The following CYP2C18 variants were observed in gnomAD, a reference collection of about 807,000 sequenced individuals.
The protein encoded by CYP2C18 is cytochrome P450 family 2 subfamily C member 18.
In CYP2C18, 38 loss-of-function variants were observed where a neutral mutation model predicts 41.3. The observed-to-expected ratio is 0.92, with a 90% confidence interval of 0.71 to 1.21. CYP2C18 has a LOEUF of 1.21. Among genes scored for constraint, CYP2C18 ranks in the 50% most tolerant of loss-of-function variants. The pLI is 0.00. For missense variants in CYP2C18, 635 were observed against 591.4 expected, an observed-to-expected ratio of 1.07 and a Z score of -0.77; for synonymous variants, 236 against 210.0, an observed-to-expected ratio of 1.12 and a Z score of -1.07.
intron 7 of CYP2C18, among the ~76,000 whole-genome samples, chr10:94,731,655 A>G (rs1847835339): frequency 6.6e-6 from 1 of 152,174 alleles, no homozygotes; most frequent in South Asian, 2.1e-4. Context: ...GAACCCAGAA[A>G]TAAAGCAGCA....
chr10:94,734,124 C>T (rs1224572553), intron 8 of CYP2C18, among the ~76,000 whole-genome samples: 1 of 152,024 alleles, frequency 6.6e-6, no homozygotes, highest in Non-Finnish European at 1.5e-5. Context: ...AGTAGCAGGA[C>T]ATTTTCTGTA....
chr10:94,692,143 A>G (rs888901307), intron 3 of CYP2C18, among the ~76,000 whole-genome samples: 14 of 152,036 alleles, frequency 9.2e-5, no homozygotes, highest in Admixed American at 3.9e-4. Flanking sequence ...AACACCAAAA[A>G]CAATGGCAAC....
chr10:94,691,362 A>G (rs1049343504), intron 3 of CYP2C18, among the ~76,000 whole-genome samples: 5 of 152,228 alleles, frequency 3.3e-5, no homozygotes, highest in African/African-American at 1.2e-4. Context: ...ATTCACAAGC[A>G]TTCTTATACA....
rs1424321832 is a variant in CYP2C18, at chr10:94,692,621, C to T, written c.482-2296C>T. Among the ~76,000 whole-genome samples, 10 of 152,224 alleles carry T rather than the reference C, an allele frequency of 6.6e-5. No homozygotes were observed. The East Asian group carries it at 1.5e-3, about 24-fold the overall frequency. On this transcript the variant is annotated intron_variant, in intron 3 of 8. Coordinates refer to ENST00000285979, the MANE Select transcript of CYP2C18 (RefSeq NM_000772.3). ...TGTGGAAGTCAGTGTGGCGATTCCT[C>T]AGGGATCTAGAACTAGAAATGCCAT...
At chr10:94,696,684 G>A (rs574135595) in intron 4 of CYP2C18, among the ~76,000 whole-genome samples, 41 of 152,074 alleles carry the variant, frequency 2.7e-4, no homozygotes, top group Admixed American at 4.6e-4. Context: ...ACTACTCCAA[G>A]CTAAAGCAGG....
chr10:94,684,012 G>A (rs762146894), intron 1 of CYP2C18, 25 bp downstream of exon 1: 2 of 1,551,686 alleles, frequency 1.3e-6, no homozygotes, highest in East Asian at 2.3e-5. Flanking sequence ...TGTTCCTCCA[G>A]TAATGTACAA....
Position 94,720,524 on chromosome 10 carries a change from C to T in CYP2C18, c.948C>T (p.Tyr316=), listed in dbSNP as rs1847629209. 2 of 1,612,864 alleles carry T rather than the reference C, an allele frequency of 1.2e-6. No homozygotes were observed. Among genetic ancestry groups the T allele is most frequent in the Non-Finnish European group, 1.7e-6 (2 of 1,179,464 alleles). ...ATGGACTCCTGCTCCTGCTGAAGTA[C>T]CCAGAGGTCACAGGTATGATGATAC... The part of the protein sequence containing the change: ...LRYGLLLLLK[Y]PEVTAKVQEE... The change falls in exon 6 of 9, where the codon TAC becomes TAT. Residue 316 remains tyrosine, a synonymous_variant. Transcript: ENST00000285979.
chr10:94,685,084 G>C (rs2134172333), intron 1 of CYP2C18, among the ~76,000 whole-genome samples: 1 of 151,952 alleles, frequency 6.6e-6, no homozygotes, highest in Admixed American at 6.6e-5. Flanking sequence ...TTGTAGGATG[G>C]AGTGTAGTGA....
At chr10:94,732,810 C>T (rs1847856065) in intron 7 of CYP2C18, among the ~76,000 whole-genome samples, 2 of 151,772 alleles carry the variant, frequency 1.3e-5, no homozygotes, top group South Asian at 2.1e-4. Context: ...TAGATGGGGG[C>T]TGAAGGGGAG....
intron 4 of CYP2C18, among the ~76,000 whole-genome samples, chr10:94,706,137 A>G (rs769649634): frequency 4.6e-5 from 7 of 152,146 alleles, no homozygotes; most frequent in Non-Finnish European, 7.4e-5. Context: ...TGACAAAATG[A>G]TTGGATTTTG....
intron 5 of CYP2C18, among the ~76,000 whole-genome samples, chr10:94,713,646 T>C (rs1236939155): frequency 1.3e-5 from 2 of 152,256 alleles, no homozygotes; most frequent in Non-Finnish European, 2.9e-5. Context: ...AACATACGTG[T>C]GCATGTGTCT....
In CYP2C18 at chr10:94,703,678, G is replaced by A. The variant is rs530525711; in HGVS notation, c.643-3106G>A. ...GATCTTAGCTTGCTGGGCCCCATGA[G>A]GGTGGGATCCTGTGAGCTAGACCAC... On this transcript the variant is annotated intron_variant, in intron 4 of 8. Coordinates refer to ENST00000285979, the MANE Select transcript of CYP2C18 (RefSeq NM_000772.3). 5.9e-5 allele frequency among the ~76,000 whole-genome samples: 9 copies of A among 152,340 alleles called. No homozygotes were observed. In the South Asian group the frequency reaches 6.2e-4, roughly 11 times the overall value.
rs377678868 is a variant in CYP2C18 at position 94,693,150 on chromosome 10, A to G, written c.482-1767A>G. ...GCACGTTGTGCACATGTACCCTAAA[A>G]TTTAAAGTATATAAAAAAAAGTGTA... On this transcript the variant is annotated intron_variant, in intron 3 of 8. Transcript: ENST00000285979. Among the ~76,000 whole-genome samples the G allele has an allele frequency of 2.0e-5, 3 of 152,242 alleles. No individual in the cohort carries two copies. The East Asian group carries it at 5.8e-4, about 29-fold the overall frequency.
intron 4 of CYP2C18, 39 bp from the exon 5 acceptor site, chr10:94,706,745 A>C: frequency 8.0e-6 from 9 of 1,125,654 alleles, no homozygotes; most frequent in Non-Finnish European, 1.0e-5. Context: ...TGTCTTCAAT[A>C]CATGTGTTTA....
Position 94,687,772 on chromosome 10 carries a change from C to T in CYP2C18, c.171C>T (p.Phe57=). 6.2e-7 allele frequency: 1 copy of T among 1,610,874 alleles called. No individual in the cohort carries two copies. Among genetic ancestry groups the T allele is most frequent in the African/African-American group, 1.3e-5 (1 of 74,802 alleles). Residue 57 remains phenylalanine, a splice_region_variant and synonymous_variant, in exon 2 of 9, where the codon TTC becomes TTT. Transcript: ENST00000285979. ...VKDMSKSLTN[F]SKVYGPVFTV... is the part of the protein sequence containing the mutation. ...TGAACCTCCTTTTCTATGTTTAGTT[C>T]TCAAAAGTCTATGGCCCTGTGTTCA...
intron 4 of CYP2C18, among the ~76,000 whole-genome samples, chr10:94,706,399 G>A (rs1262536460): frequency 6.6e-6 from 1 of 152,084 alleles, no homozygotes; most frequent in African/African-American, 2.4e-5. Flanking sequence ...GAATGGCTTT[G>A]TGATCTATTT....
intron 3 of CYP2C18, 85 bp from the exon 4 acceptor site, chr10:94,694,832 T>G: frequency 2.1e-6 from 3 of 1,455,958 alleles, no homozygotes; most frequent in Non-Finnish European, 2.8e-6. Context: ...GTTTAGAGTT[T>G]CTAAAAATAC....
At chr10:94,696,072 C>A (rs1262325277) in intron 4 of CYP2C18, among the ~76,000 whole-genome samples, 1 of 152,134 alleles carries the variant, frequency 6.6e-6, no homozygotes, top group Non-Finnish European at 1.5e-5. Flanking sequence ...CATAGCCAAA[C>A]AAAAGGCAGC....
chr10:94,730,085 A>G (rs558171651), intron 7 of CYP2C18, among the ~76,000 whole-genome samples: 1 of 152,260 alleles, frequency 6.6e-6, no homozygotes, highest in South Asian at 2.1e-4. Context: ...CATTTTTAAT[A>G]TAAAGAGTTG....
Sources: gnomAD v4.1 joint callset for allele counts (sites outside exome capture counted in the v4.1 genomes callset) on GRCh38, gnomAD v4.1.1 for gene constraint, MANE v1.5 for transcripts, NCBI Gene and HGNC (gene_info 2026-07-23, HGNC 2026-07-21) for gene names.